TAPT1: variants seen among roughly 807,000 people sequenced by gnomAD.
The protein encoded by TAPT1 is transmembrane anterior posterior transformation protein 1 homolog.
A neutral mutation model predicts 65.6 loss-of-function variants in TAPT1; 28 were observed. The ratio of observed to expected loss-of-function variants is 0.43; its 90% CI spans 0.32 to 0.59. TAPT1 has a LOEUF of 0.59. TAPT1 is among the 20% of genes least tolerant of loss of function. The probability of loss-of-function intolerance (pLI) is 0.09; values close to 1 mark genes in which losing one functional copy is unlikely to be tolerated. For missense variants in TAPT1, 563 were observed against 679.9 expected (o/e 0.83, Z 1.91); for synonymous variants, 278 against 245.2 (o/e 1.13, Z -1.25).
chr4:16,200,469 C>T (rs115895317), intron 3 of TAPT1, among the ~76,000 whole-genome samples: 25 of 152,220 alleles, frequency 1.6e-4, no homozygotes, highest in Non-Finnish European at 2.9e-4. Flanking sequence ...GGACCACAGA[C>T]ATGTGCCACC....
chr4:16,185,986 C>G (rs1560164784), intron 7 of TAPT1, among the ~76,000 whole-genome samples: 1 of 152,192 alleles, frequency 6.6e-6, no homozygotes, highest in Non-Finnish European at 1.5e-5. Flanking sequence ...CCTGGCAGAG[C>G]CCCTGGGACT....
At chr4:16,167,790 T>C (rs574265747) in intron 12 of TAPT1, among the ~76,000 whole-genome samples, 1 of 152,352 alleles carries the variant, frequency 6.6e-6, no homozygotes, top group Non-Finnish European at 1.5e-5. Flanking sequence ...TCCATATCAG[T>C]TAATGTTCCT....
At chr4:16,211,044 GT>G (rs886255932) in intron 2 of TAPT1, among the ~76,000 whole-genome samples, 61 of 108,054 alleles carry the variant, frequency 5.6e-4, no homozygotes, top group Admixed American at 1.3e-3. Flanking sequence ...AAATTGGGGT[GT>G]TTTTTTTTTC....
intron 10 of TAPT1, 168 bp downstream of exon 10, chr4:16,174,502 A>C: frequency 1.5e-6 from 1 of 686,900 alleles, no homozygotes; most frequent in Non-Finnish European, 2.4e-6. Flanking sequence ...GTTAAGTATT[A>C]CTATTATTCT....
intron 12 of TAPT1, among the ~76,000 whole-genome samples, chr4:16,170,190 T>C (rs1747901591): frequency 6.6e-6 from 1 of 152,228 alleles, no homozygotes; most frequent in Non-Finnish European, 1.5e-5. Context: ...TGTAAGATCA[T>C]GAGACCAACA....
chr4:16,213,309 T>C (rs1750749403), intron 2 of TAPT1, among the ~76,000 whole-genome samples: 1 of 152,202 alleles, frequency 6.6e-6, no homozygotes, highest in Non-Finnish European at 1.5e-5. Context: ...GTGATAAAGA[T>C]TAAACAAACC....
At chr4:16,185,409 C>G (rs1273354789) in intron 7 of TAPT1, among the ~76,000 whole-genome samples, 1 of 150,920 alleles carries the variant, frequency 6.6e-6, no homozygotes, top group Non-Finnish European at 1.5e-5. Context: ...ACTCTAGTCA[C>G]CCAGGCTGGA....
intron 2 of TAPT1, among the ~76,000 whole-genome samples, chr4:16,207,855 A>G (rs948305063): frequency 2.0e-5 from 3 of 152,248 alleles, no homozygotes; most frequent in Non-Finnish European, 4.4e-5. Context: ...ATTCTATTTA[A>G]GCAGTTGAAT....
At chr4:16,226,229 C>G in intron 1 of TAPT1, 30 bp downstream of exon 1, 2 of 1,107,100 alleles carry the variant, frequency 1.8e-6, no homozygotes, top group Non-Finnish European at 2.2e-6. Flanking sequence ...CCCCTCGGAG[C>G]CCGCCACGGC....
intron 1 of TAPT1, among the ~76,000 whole-genome samples, chr4:16,224,819 G>C (rs1266351044): frequency 6.6e-6 from 1 of 152,194 alleles, no homozygotes; most frequent in Admixed American, 6.5e-5. Context: ...GCAAGCTCAA[G>C]ATCTGTGCTC....
At chr4:16,226,118 C>G (rs932293110) in intron 1 of TAPT1, 141 bp downstream of exon 1, 2 of 1,032,886 alleles carry the variant, frequency 1.9e-6, no homozygotes, top group African/African-American at 3.5e-5. Flanking sequence ...CTCGGCGGCT[C>G]CGCGCGCCCA....
chr4:16,194,828 G>A (rs1749590275), intron 3 of TAPT1, among the ~76,000 whole-genome samples: 2 of 151,066 alleles, frequency 1.3e-5, no homozygotes, highest in South Asian at 4.1e-4. Flanking sequence ...ACAAGAAGCA[G>A]AACCTTTAAA....
intron 1 of TAPT1, among the ~76,000 whole-genome samples, chr4:16,225,016 G>A (rs1751463416): frequency 6.6e-6 from 1 of 152,226 alleles, no homozygotes; most frequent in African/African-American, 2.4e-5. Flanking sequence ...AGACAGTTGA[G>A]AGATTTGCTA....
intron 3 of TAPT1, among the ~76,000 whole-genome samples, chr4:16,195,795 C>T (rs2149697328): frequency 6.6e-6 from 1 of 152,236 alleles, no homozygotes; most frequent in East Asian, 1.9e-4. Flanking sequence ...GTTTCCTTTT[C>T]CTCTTTAGGG....
chr4:16,163,393 T>C lies in TAPT1; in HGVS notation c.1619A>G (p.Asp540Gly). Residue 540 changes from aspartate to glycine, a missense_variant, in exon 14 of 14, where the codon GAC (aspartate) becomes GGC (glycine). Physicochemically the swap from Asp to Gly is moderately conservative, Grantham distance 94 (BLOSUM62 -1). This residue lies in a region of TAPT1 where 136 missense variants were observed against 153.9 expected (regional missense o/e 0.88). Coordinates refer to ENST00000405303, the MANE Select transcript of TAPT1 (RefSeq NM_153365.3). ...GGATCTGTGTTTTAATTCAGAATTG[T>C]CCTGCGTTATGTCCTTCTCGTCACC... ...PDGDEKDITQ[D>G]NSELKHRSSK... 1.2e-6 allele frequency: 2 copies of C among 1,613,978 alleles called. No homozygotes were observed. Among genetic ancestry groups the C allele is most frequent in the Non-Finnish European group, 1.7e-6 (2 of 1,179,870 alleles).
intron 2 of TAPT1, among the ~76,000 whole-genome samples, chr4:16,209,781 T>C (rs182598871): frequency 2.2e-4 from 33 of 152,362 alleles, no homozygotes; most frequent in African/African-American, 7.9e-4. Flanking sequence ...GGCTGTTGAA[T>C]GGATTGAACG....
intron 1 of TAPT1, chr4:16,225,769 G>T: frequency 2.0e-6 from 1 of 490,622 alleles, no homozygotes; most frequent in Non-Finnish European, 2.6e-6. Flanking sequence ...TGAACTTCAT[G>T]GTCACTACCA....
intron 10 of TAPT1, 57 bp downstream of exon 10, chr4:16,174,613 G>T: frequency 7.1e-7 from 1 of 1,408,956 alleles, no homozygotes. Flanking sequence ...TCATTATTCA[G>T]TTAATTTCAG....
At chr4:16,176,005 T>C in intron 9 of TAPT1, 114 bp downstream of exon 9, 1 of 550,420 alleles carries the variant, frequency 1.8e-6, no homozygotes, top group East Asian at 3.2e-5. Context: ...TTTAGAAACT[T>C]AAAATTACAA....
Sources: allele counts gnomAD v4.1 joint callset (sites outside exome capture counted in the v4.1 genomes callset), GRCh38; gene constraint gnomAD v4.1.1; regional missense constraint gnomAD v4.1.1; transcripts MANE v1.5; gene names NCBI Gene and HGNC (gene_info 2026-07-23, HGNC 2026-07-21).